The following PEAK1 variants were observed in gnomAD, a reference collection of about 807,000 sequenced individuals.
PEAK1 encodes the protein inactive tyrosine-protein kinase PEAK1.
PEAK1 carries 54 observed loss-of-function variants against 124.7 expected under a neutral mutation model. That is an observed-to-expected ratio of 0.43 (90% confidence interval 0.35 to 0.54). PEAK1 has a LOEUF of 0.54. PEAK1 is among the 20% of genes least tolerant of loss of function. The pLI is 0.01. For synonymous variants in PEAK1, 719 were observed against 760.0 expected, an observed-to-expected ratio of 0.95 and a Z score of 0.89; for missense variants, 2,046 against 2,134.5, an observed-to-expected ratio of 0.96 and a Z score of 0.82.
chr15:77,294,801 T>G (rs554164704), intron 2 of PEAK1, among the ~76,000 whole-genome samples: 75 of 148,702 alleles, frequency 5.0e-4, no homozygotes, highest in African/African-American at 1.8e-3. Flanking sequence ...TTGATCTTTT[T>G]TCTTTCATTG....
rs1555457265 is a variant in PEAK1, at chr15:77,253,248, G to GC, written c.-274-723_-274-722insG. Among the ~76,000 whole-genome samples the GC allele has an allele frequency of 5.2e-3, 789 of 150,416 alleles. 13 individuals carry two copies. The highest frequency in any genetic ancestry group is 0.016 in the African/African-American group (676 of 41,144). On this transcript the variant is annotated intron_variant, in intron 5 of 9. Coordinates refer to ENST00000682557, the MANE Select transcript of PEAK1 (RefSeq NM_001385026.1). Reference sequence around the variant, plus strand: ...ATCTGTGAATTTTGGTATGCGTTGGGGGGGGGGTGGTCCTGGAGCCAATCT... The same window carrying GC: ...ATCTGTGAATTTTGGTATGCGTTGGGCGGGGGGGTGGTCCTGGAGCCAATCT...
intron 2 of PEAK1, among the ~76,000 whole-genome samples, chr15:77,340,674 T>A (rs2066474547): frequency 6.6e-6 from 1 of 152,364 alleles, no homozygotes; most frequent in African/African-American, 2.4e-5. Context: ...GGTTCATTAA[T>A]TGAATGTACC....
intron 8 of PEAK1, among the ~76,000 whole-genome samples, chr15:77,144,447 C>G (rs562631161): frequency 6.6e-6 from 1 of 152,298 alleles, no homozygotes; most frequent in South Asian, 2.1e-4. Context: ...TTTACTAAAG[C>G]ATTTTTAGCC....
At chr15:77,176,756 C>A (rs1048443596) in intron 7 of PEAK1, among the ~76,000 whole-genome samples, 1 of 152,172 alleles carries the variant, frequency 6.6e-6, no homozygotes, top group Non-Finnish European at 1.5e-5. Context: ...TATACCGTGG[C>A]ATGCAGCCAA....
chr15:77,277,961 T>C (rs7173432), intron 5 of PEAK1, among the ~76,000 whole-genome samples: 8,709 of 152,180 alleles, frequency 0.057, 799 homozygotes, highest in African/African-American at 0.19. Flanking sequence ...TCCAAACCCA[T>C]AGAATGTACA....
At chr15:77,350,959 C>T (rs1295995137) in intron 2 of PEAK1, 1 of 984,792 alleles carries the variant, frequency 1.0e-6, no homozygotes, top group South Asian at 4.7e-5. Context: ...TAATTACACT[C>T]TTCATTCAAT....
intron 6 of PEAK1, among the ~76,000 whole-genome samples, chr15:77,205,568 C>T (rs1567112788): frequency 6.6e-6 from 1 of 152,144 alleles, no homozygotes; most frequent in Non-Finnish European, 1.5e-5. Context: ...TCATGGCTCT[C>T]CTTATCAGAA....
intron 1 of PEAK1, chr15:77,418,196 T>C (rs919340154): frequency 1.0e-6 from 1 of 985,310 alleles, no homozygotes; most frequent in African/African-American, 1.7e-5. Context: ...CAAAGTGATC[T>C]TATCTTTTTC....
At chr15:77,338,482 TC>T (rs1400822968) in intron 2 of PEAK1, among the ~76,000 whole-genome samples, 1 of 152,120 alleles carries the variant, frequency 6.6e-6, no homozygotes, top group Non-Finnish European at 1.5e-5. Flanking sequence ...AAAGGTACAC[TC>T]CCCAACTAAC....
At chr15:77,368,020 C>A (rs949799545) in intron 1 of PEAK1, among the ~76,000 whole-genome samples, 9 of 152,124 alleles carry the variant, frequency 5.9e-5, no homozygotes, top group Admixed American at 5.9e-4. Context: ...TAAGTTGTGA[C>A]TATAAAAACT....
At chr15:77,341,958 T>C (rs1484508737) in intron 2 of PEAK1, among the ~76,000 whole-genome samples, 1 of 151,972 alleles carries the variant, frequency 6.6e-6, no homozygotes, top group Non-Finnish European at 1.5e-5. Flanking sequence ...TTTAGAACAG[T>C]TTTAGATTTT....
At chr15:77,284,646 T>C (rs2062830113) in intron 4 of PEAK1, among the ~76,000 whole-genome samples, 1 of 152,152 alleles carries the variant, frequency 6.6e-6, no homozygotes, top group Non-Finnish European at 1.5e-5. Context: ...ATTATTTTGG[T>C]GAGGCGATTT....
intron 2 of PEAK1, among the ~76,000 whole-genome samples, chr15:77,318,645 T>C (rs1032249590): frequency 2.6e-5 from 4 of 151,988 alleles, no homozygotes; most frequent in Admixed American, 6.6e-5. Flanking sequence ...TTATAATTTA[T>C]TAGTCATAAA....
intron 2 of PEAK1, among the ~76,000 whole-genome samples, chr15:77,314,101 T>C (rs1454708094): frequency 1.3e-5 from 2 of 152,166 alleles, no homozygotes; most frequent in Admixed American, 6.5e-5. Context: ...TTTAAAACTT[T>C]TGTTTAAAGC....
At chr15:77,334,051 A>T in intron 2 of PEAK1, 1 of 699,612 alleles carries the variant, frequency 1.4e-6, no homozygotes, top group Non-Finnish European at 1.8e-6. Context: ...TAATCTCTGT[A>T]CTTATTCAAC....
intron 9 of PEAK1, among the ~76,000 whole-genome samples, chr15:77,121,525 T>C (rs1226946624): frequency 6.6e-6 from 1 of 152,158 alleles, no homozygotes; most frequent in African/African-American, 2.4e-5. Context: ...TGAAATCTGA[T>C]CAGTGAGGGC....
chr15:77,379,314 T>C (rs773113745), intron 1 of PEAK1, among the ~76,000 whole-genome samples: 1 of 152,188 alleles, frequency 6.6e-6, no homozygotes, highest in Non-Finnish European at 1.5e-5. Context: ...TAGCATTCTC[T>C]ATTGAACTAA....
At chr15:77,107,453 T>C (rs759764689), downstream of PEAK1, 5 of 152,256 alleles carry the variant, frequency 3.3e-5, no homozygotes, top group Non-Finnish European at 7.3e-5. Context: ...GAGTGCTTGC[T>C]AGTGGAGAAG....
chr15:77,168,217 GCA>G (rs930883781), intron 7 of PEAK1, among the ~76,000 whole-genome samples: 56 of 142,826 alleles, frequency 3.9e-4, no homozygotes, highest in African/African-American at 1.5e-3. Context: ...ATATGTACAT[GCA>G]CATATGCATG....
Sources: gnomAD v4.1 joint callset for allele counts (sites outside exome capture counted in the v4.1 genomes callset) on GRCh38, gnomAD v4.1.1 for gene constraint, MANE v1.5 for transcripts, NCBI Gene and HGNC (gene_info 2026-07-23, HGNC 2026-07-21) for gene names.